The following EIF2A variants were observed in gnomAD, a reference collection of about 807,000 sequenced individuals.
EIF2A encodes the protein eukaryotic translation initiation factor 2A.
In EIF2A, 62 loss-of-function variants were observed where a neutral mutation model predicts 75.2. That is an observed-to-expected ratio of 0.82 (90% CI 0.67 to 1.02). The LOEUF is 1.02. Among genes scored for constraint, EIF2A ranks in the 50% least tolerant of loss-of-function variants. EIF2A has a pLI of 0.00. For missense variants in EIF2A, 611 were observed against 677.7 expected, an observed-to-expected ratio of 0.90 and a Z score of 1.09; for synonymous variants, 207 against 239.0, an observed-to-expected ratio of 0.87 and a Z score of 1.23.
chr3:150,566,816 T>G (rs1384149638), intron 6 of EIF2A: 1 of 152,198 alleles, frequency 6.6e-6, no homozygotes, highest in Non-Finnish European at 1.5e-5. Context: ...GCAGTTCTTT[T>G]GTCTTTAGAG....
intron 11 of EIF2A, 115 bp downstream of exon 11, chr3:150,575,877 T>G (rs1265322662): frequency 1.2e-6 from 1 of 863,160 alleles, no homozygotes; most frequent in Non-Finnish European, 1.7e-6. Flanking sequence ...TCACTTGAGG[T>G]TAGAAGTTCA....
Position 150,563,982 on chromosome 3 carries a change from C to A in EIF2A, c.393-317C>A, listed in dbSNP as rs995819636. Among the ~76,000 whole-genome samples, 4 of 152,072 alleles carry A rather than the reference C, an allele frequency of 2.6e-5. No individual in the cohort carries two copies. The South Asian group carries it at 8.3e-4, about 32-fold the overall frequency. ...TACAGGCACGTGCCACCATGCCTGG[C>A]TAATTTTTGTATTTTTAGTAGAGAT... On this transcript the variant is annotated intron_variant, in intron 5 of 13. Transcript: ENST00000460851.
Position 150,567,682 on chromosome 3 carries a change from C to CT in EIF2A, c.476-3dup, listed in dbSNP as rs769244111. ...TCTCATCAATCTGATTTAATTTACT[C>CT]TTTTTTTTAGACACAATTGCAAATA... On this transcript the variant is annotated splice_polypyrimidine_tract_variant and intron_variant, in intron 6 of 13. Coordinates refer to ENST00000460851, the MANE Select transcript of EIF2A (RefSeq NM_032025.5). The CT allele has an allele frequency of 5.3e-5, 80 of 1,501,682 alleles. No homozygotes were observed. Among genetic ancestry groups the CT allele is most frequent in the Admixed American group, 8.4e-5 (4 of 47,484 alleles). The allele number at this position is 1,501,682 out of a possible 1,614,324, so 93.0% of individuals were successfully genotyped here.
At chr3:150,549,366 GCAC>G (rs1024321802) in intron 1 of EIF2A, among the ~76,000 whole-genome samples, 2 of 151,946 alleles carry the variant, frequency 1.3e-5, no homozygotes, top group African/African-American at 4.8e-5. Flanking sequence ...TTACAGGCGT[GCAC>G]CACCACGCCC....
At chr3:150,561,975 T>G (rs974092921) in intron 3 of EIF2A, among the ~76,000 whole-genome samples, 1 of 151,758 alleles carries the variant, frequency 6.6e-6, no homozygotes, top group African/African-American at 2.4e-5. Context: ...GCCAGGCTGG[T>G]CTCGAACTCC....
intron 3 of EIF2A, 101 bp downstream of exon 3, chr3:150,558,563 C>A: frequency 9.5e-7 from 1 of 1,051,784 alleles, no homozygotes; most frequent in Non-Finnish European, 1.3e-6. Flanking sequence ...TAAAATCCGT[C>A]TTTTAATGTC....
rs376872417 is a variant in EIF2A at position 150,567,748 on chromosome 3, T to C, written c.531T>C (p.Pro177=). ...LQKINDFVLS[P]GPQPYKVAVY... ...AAATTAATGATTTTGTATTATCACC[T>C]GGACCCCAACCATACAAGGTAATTG... is the stretch of plus-strand genomic sequence containing the variant. The change falls in exon 7 of 14, where the codon CCT becomes CCC. Residue 177 remains proline, a synonymous_variant. Coordinates refer to ENST00000460851, the MANE Select transcript of EIF2A (RefSeq NM_032025.5). The C allele has an allele frequency of 9.0e-5, 140 of 1,564,090 alleles. No homozygotes were observed. The African/African-American group carries it at 1.5e-3, about 17-fold the overall frequency.
intron 10 of EIF2A, among the ~76,000 whole-genome samples, chr3:150,573,858 A>G (rs1026357275): frequency 2.6e-5 from 4 of 152,142 alleles, no homozygotes; most frequent in African/African-American, 7.2e-5. Flanking sequence ...AAAAATTTAT[A>G]TATAAATTAT....
At chr3:150,551,950 A>ACTTTATATAAAACAT (rs1312494833) in intron 1 of EIF2A, among the ~76,000 whole-genome samples, 3 of 152,084 alleles carry the variant, frequency 2.0e-5, no homozygotes, top group Non-Finnish European at 4.4e-5. Flanking sequence ...TACTTTTTTT[A>ACTTTATATAAAACAT]TTACTTTATA....
chr3:150,550,731 A>G (rs1723276030), intron 1 of EIF2A, among the ~76,000 whole-genome samples: 1 of 152,184 alleles, frequency 6.6e-6, no homozygotes, highest in Non-Finnish European at 1.5e-5. Context: ...GGGTGACATG[A>G]TCATGGTTCA....
intron 12 of EIF2A, chr3:150,582,995 A>C: frequency 1.9e-6 from 1 of 532,728 alleles, no homozygotes. Flanking sequence ...CCTGAGAATA[A>C]TATTTTGCCA....
chr3:150,553,147 A>G (rs547819563), intron 2 of EIF2A, among the ~76,000 whole-genome samples: 3 of 152,088 alleles, frequency 2.0e-5, no homozygotes, highest in African/African-American at 7.2e-5. Context: ...GCAAAACCCC[A>G]TCTCGGCTAA....
intron 8 of EIF2A, 59 bp downstream of exon 8, chr3:150,568,105 T>A: frequency 6.2e-7 from 1 of 1,600,532 alleles, no homozygotes; most frequent in Non-Finnish European, 8.5e-7. Context: ...TAGGCTATAT[T>A]CCTATGTGTA....
rs1201941833 is a variant in EIF2A, at chr3:150,584,321, C to T, written c.*410C>T. The T allele has an allele frequency of 6.5e-6, 1 of 153,384 alleles. No individual in the cohort carries two copies. Among genetic ancestry groups the T allele is most frequent in the East Asian group, 1.9e-4 (1 of 5,244 alleles). 9.5% of individuals were successfully genotyped at this position (153,384 alleles called of 1,614,324 possible). A position where few individuals can be genotyped will look rare whatever the true frequency, so the allele number is the denominator to read the frequency against. On this transcript the variant is annotated 3_prime_UTR_variant, in exon 14 of 14. Coordinates refer to ENST00000460851, the MANE Select transcript of EIF2A (RefSeq NM_032025.5). The stretch of plus-strand genomic sequence containing the variant: ...GATGTGTAAAACTACTTAATTCTCA[C>T]AAGACTCTATGAAGTAATTCTTTTA...
In EIF2A at chr3:150,558,095, C is replaced by T. The variant is rs545508876; in HGVS notation, c.99-293C>T. On this transcript the variant is annotated intron_variant, in intron 2 of 13. Transcript: ENST00000460851. ...CTCTTATTTTTGTTATACTTTCTAT[C>T]TCTACACATGAGAAATTGATGGAAG... Among the ~76,000 whole-genome samples the T allele has an allele frequency of 2.6e-5, 4 of 152,266 alleles. No homozygotes were observed. In the South Asian group the frequency reaches 8.3e-4, roughly 32 times the overall value.
At chr3:150,570,866 A>G (rs1019658223) in intron 9 of EIF2A, among the ~76,000 whole-genome samples, 1 of 151,150 alleles carries the variant, frequency 6.6e-6, no homozygotes, top group Non-Finnish European at 1.5e-5. Context: ...TAGGAGTTCA[A>G]AACCAGCCTG....
Position 150,564,382 on chromosome 3 carries a change from G to A in EIF2A, c.475+1G>A. 1 of 1,582,006 alleles carries A rather than the reference G, an allele frequency of 6.3e-7. No homozygotes were observed. Among genetic ancestry groups the A allele is most frequent in the Non-Finnish European group, 8.6e-7 (1 of 1,166,338 alleles). On this transcript the variant is annotated splice_donor_variant, in intron 6 of 13. Transcript: ENST00000460851. LOFTEE classifies it high-confidence loss of function. The stretch of plus-strand genomic sequence containing the variant: ...CACTTCTTTGAAAACAACAATTTTA[G>A]TATGGAAAGATTTATGACATAATTT...
At chr3:150,552,639 G>T in intron 2 of EIF2A, 1 of 404,014 alleles carries the variant, frequency 2.5e-6, no homozygotes. Context: ...TTATAAGGTA[G>T]GGGGAACAAT....
At chr3:150,571,633 T>C (rs2107947589) in intron 9 of EIF2A, among the ~76,000 whole-genome samples, 1 of 152,214 alleles carries the variant, frequency 6.6e-6, no homozygotes, top group South Asian at 2.1e-4. Flanking sequence ...AACAAATAAA[T>C]AAATAAATTA....
Sources: allele counts gnomAD v4.1 joint callset (sites outside exome capture counted in the v4.1 genomes callset), GRCh38; gene constraint gnomAD v4.1.1; transcripts MANE v1.5; gene names NCBI Gene and HGNC (gene_info 2026-07-23, HGNC 2026-07-21).